XNDC1N: variants seen among roughly 807,000 people sequenced by gnomAD.
The protein encoded by XNDC1N is protein XNDC1N.
the XNDC1N span, among the ~76,000 whole-genome samples, chr11:71,913,483 A>G: frequency 3.3e-5 from 5 of 151,550 alleles, no homozygotes; most frequent in African/African-American, 1.2e-4. Context: ...ATATGTTAAA[A>G]CCCCATCTCT....
the XNDC1N span, among the ~76,000 whole-genome samples, chr11:71,896,936 T>A: frequency 6.6e-6 from 1 of 152,248 alleles, no homozygotes; most frequent in Non-Finnish European, 1.5e-5. Context: ...CTCACCTTTA[T>A]GTTCACATGA....
chr11:71,874,838 T>C, the XNDC1N span, among the ~76,000 whole-genome samples: 4 of 152,224 alleles, frequency 2.6e-5, no homozygotes, highest in Non-Finnish European at 4.4e-5. Flanking sequence ...TACCTTATTT[T>C]CTATCTTTTT....
the XNDC1N span, among the ~76,000 whole-genome samples, chr11:71,877,429 G>A: frequency 2.0e-5 from 3 of 152,362 alleles, no homozygotes; most frequent in African/African-American, 7.2e-5. Context: ...CTTGAGGCCA[G>A]GAGTTCGAGA....
chr11:71,915,957 G>T, the XNDC1N span: 1 of 276,162 alleles, frequency 3.6e-6, no homozygotes, highest in East Asian at 7.1e-5. Flanking sequence ...ACTTGTATTT[G>T]TGTGTGTGTG....
the XNDC1N span, among the ~76,000 whole-genome samples, chr11:71,914,791 G>A: frequency 1.3e-5 from 2 of 152,182 alleles, no homozygotes; most frequent in Non-Finnish European, 2.9e-5. Context: ...AACAGATGAG[G>A]AGTTGCTTCT....
At chr11:71,915,890 A>T in the XNDC1N span, among the ~76,000 whole-genome samples, 1 of 152,218 alleles carries the variant, frequency 6.6e-6, no homozygotes, top group Non-Finnish European at 1.5e-5. Context: ...CACGTGTGAG[A>T]CAGGGAAGGA....
At chr11:71,886,044 C>T in the XNDC1N span, among the ~76,000 whole-genome samples, 6 of 152,008 alleles carry the variant, frequency 3.9e-5, no homozygotes, top group Admixed American at 1.3e-4. Flanking sequence ...ACTCCTCCCT[C>T]GGCAGCTCGT....
chr11:71,873,273 C>T, the XNDC1N span, among the ~76,000 whole-genome samples: 2 of 151,816 alleles, frequency 1.3e-5, no homozygotes, highest in African/African-American at 4.8e-5. Context: ...TTTTTTATAC[C>T]ACTTTGGCTG....
At chr11:71,909,880 C>A in the XNDC1N span, among the ~76,000 whole-genome samples, 1 of 152,066 alleles carries the variant, frequency 6.6e-6, no homozygotes, top group Non-Finnish European at 1.5e-5. Flanking sequence ...GGTAAAGTGA[C>A]CCGGAATGGG....
At chr11:71,904,767 T>C in the XNDC1N span, among the ~76,000 whole-genome samples, 3 of 152,016 alleles carry the variant, frequency 2.0e-5, no homozygotes, top group Non-Finnish European at 1.5e-5. Flanking sequence ...CCCTAGGATA[T>C]TACGAATAAT....
At chr11:71,913,288 T>C in the XNDC1N span, among the ~76,000 whole-genome samples, 1 of 151,494 alleles carries the variant, frequency 6.6e-6, no homozygotes, top group East Asian at 1.9e-4. Flanking sequence ...TCAGCCTCTC[T>C]CCCTCTGAAA....
chr11:71,900,417 G>T, the XNDC1N span, among the ~76,000 whole-genome samples: 7 of 151,994 alleles, frequency 4.6e-5, no homozygotes, highest in East Asian at 1.4e-3. Context: ...AGCCTTGTTT[G>T]GTTCCCTTCT....
the XNDC1N span, among the ~76,000 whole-genome samples, chr11:71,896,637 C>G: frequency 6.6e-6 from 1 of 152,242 alleles, no homozygotes; most frequent in Middle Eastern, 3.2e-3. Flanking sequence ...AATCTTGGCT[C>G]ACCGCAACCT....
chr11:71,893,738 G>A, the XNDC1N span: 1 of 1,232,280 alleles, frequency 8.1e-7, no homozygotes, highest in Non-Finnish European at 1.1e-6. Context: ...TCGCATAGCA[G>A]AGTCATCTCT....
the XNDC1N span, among the ~76,000 whole-genome samples, chr11:71,914,635 C>T: frequency 4.0e-5 from 6 of 150,674 alleles, no homozygotes; most frequent in Non-Finnish European, 7.4e-5. Context: ...TGCAGTGAGC[C>T]GAGATCATGC....
chr11:71,897,121 C>A, the XNDC1N span, among the ~76,000 whole-genome samples: 3 of 151,704 alleles, frequency 2.0e-5, no homozygotes, highest in Non-Finnish European at 4.4e-5. Context: ...AAAAGTATGA[C>A]ACGCCTAAAA....
chr11:71,904,719 C>T, the XNDC1N span, among the ~76,000 whole-genome samples: 5 of 152,054 alleles, frequency 3.3e-5, no homozygotes, highest in Non-Finnish European at 7.4e-5. Flanking sequence ...GGTTGACACA[C>T]ATGGTGTACA....
chr11:71,907,074 G>C, the XNDC1N span, among the ~76,000 whole-genome samples: 1 of 152,100 alleles, frequency 6.6e-6, no homozygotes, highest in East Asian at 1.9e-4. Flanking sequence ...CACACATTGT[G>C]ACATTATTAT....
the XNDC1N span, among the ~76,000 whole-genome samples, chr11:71,882,030 C>T: frequency 6.6e-6 from 1 of 151,136 alleles, no homozygotes; most frequent in Admixed American, 6.6e-5. Flanking sequence ...AAGATAAATA[C>T]AAAAAATTTA....
Sources: allele counts gnomAD v4.1 joint callset (sites outside exome capture counted in the v4.1 genomes callset), GRCh38; gene constraint gnomAD v4.1.1; transcripts MANE v1.5; gene names NCBI Gene and HGNC (gene_info 2026-07-23, HGNC 2026-07-21).